DLC1: variants seen among roughly 807,000 people sequenced by gnomAD.
The protein encoded by DLC1 is DLC1 Rho GTPase activating protein, also known as rho GTPase-activating protein 7.
A neutral mutation model predicts 140.3 loss-of-function variants in DLC1; 54 were observed. That is an observed-to-expected ratio of 0.38 (90% confidence interval 0.31 to 0.48). The LOEUF (loss-of-function observed/expected upper bound fraction) is 0.48, where lower values mean the gene tolerates loss of function less well. Among genes scored for constraint, DLC1 ranks in the 20% least tolerant of loss-of-function variants. The pLI is 0.96. For synonymous variants in DLC1, 986 were observed against 728.1 expected (o/e 1.35, Z -5.70); for missense variants, 2,536 against 1,907.0 (o/e 1.33, Z -6.14).
chr8:13,269,445 G>A (rs964628972), intron 5 of DLC1, among the ~76,000 whole-genome samples: 2 of 152,154 alleles, frequency 1.3e-5, no homozygotes, highest in African/African-American at 4.8e-5. Flanking sequence ...TTCTTCAAGA[G>A]TGACAAGCTG....
At chr8:13,297,902 G>T (rs1027419246) in intron 5 of DLC1, among the ~76,000 whole-genome samples, 6 of 151,830 alleles carry the variant, frequency 4.0e-5, no homozygotes, top group African/African-American at 1.5e-4. Context: ...TTATTCATTT[G>T]CATTTCCTTT....
chr8:13,323,960 A>T (rs1361815112), intron 4 of DLC1, among the ~76,000 whole-genome samples: 2 of 152,208 alleles, frequency 1.3e-5, no homozygotes, highest in Non-Finnish European at 2.9e-5. Flanking sequence ...ATTACGTGAG[A>T]CAGTTAATGT....
intron 5 of DLC1, among the ~76,000 whole-genome samples, chr8:13,138,081 T>G (rs1822702451): frequency 6.6e-6 from 1 of 152,222 alleles, no homozygotes; most frequent in African/African-American, 2.4e-5. Flanking sequence ...TTGATATTAG[T>G]TATTATTGAT....
intron 5 of DLC1, among the ~76,000 whole-genome samples, chr8:13,164,954 G>T (rs142130978): frequency 6.6e-6 from 1 of 152,160 alleles, no homozygotes; most frequent in Non-Finnish European, 1.5e-5. Flanking sequence ...TTGTGTGTGG[G>T]AGTTGAAGTA....
intron 1 of DLC1, among the ~76,000 whole-genome samples, chr8:13,553,438 T>C (rs1410001812): frequency 1.3e-5 from 2 of 151,646 alleles, no homozygotes; most frequent in East Asian, 1.9e-4. Context: ...TGTTTTTTTC[T>C]TATATTAACA....
chr8:13,173,497 G>A (rs776936934), intron 5 of DLC1, among the ~76,000 whole-genome samples: 28 of 148,380 alleles, frequency 1.9e-4, no homozygotes, highest in Non-Finnish European at 8.9e-5. Context: ...TCAGCCTCCC[G>A]AGTAGCTGGG....
intron 5 of DLC1, among the ~76,000 whole-genome samples, chr8:13,195,296 G>T (rs984000447): frequency 3.9e-5 from 6 of 152,144 alleles, no homozygotes; most frequent in African/African-American, 1.4e-4. Flanking sequence ...TATTTTGTCA[G>T]CAATTGGAGA....
chr8:13,403,933 A>G (rs1218593040), intron 2 of DLC1, among the ~76,000 whole-genome samples: 1 of 149,288 alleles, frequency 6.7e-6, no homozygotes, highest in Non-Finnish European at 1.5e-5. Context: ...TGCTGGGATT[A>G]CAGGTTTCTT....
chr8:13,110,813 G>T lies in DLC1; in HGVS notation c.1431C>A (p.Phe477Leu). The T allele has an allele frequency of 1.2e-6, 2 of 1,614,016 alleles. No individual in the cohort carries two copies. The highest frequency in any genetic ancestry group is 1.7e-6 in the Non-Finnish European group (2 of 1,179,988). ...TCTTGACCAAGGAAATATCGATGGGGAACAGGAAATCTATGAGAAAAATAA... is the reference window on the plus strand; with the variant it reads ...TCTTGACCAAGGAAATATCGATGGGTAACAGGAAATCTATGAGAAAAATAA... Reference protein sequence around the residue: ...QYAQLYEDFLFPIDISLVKRE... With the variant: ...QYAQLYEDFLLPIDISLVKRE... Residue 477 changes from phenylalanine to leucine, a missense_variant, in exon 7 of 18, where the codon TTC becomes TTA. Phe to Leu is a conservative substitution (Grantham distance 22). Transcript: ENST00000276297.
intron 5 of DLC1, among the ~76,000 whole-genome samples, chr8:13,123,414 C>G (rs750616834): frequency 6.6e-6 from 1 of 151,948 alleles, no homozygotes; most frequent in Non-Finnish European, 1.5e-5. Context: ...AATCTTGGCT[C>G]ACTGCAACCT....
At chr8:13,570,294 C>T (rs67552689) in intron 1 of DLC1, among the ~76,000 whole-genome samples, 1,348 of 121,856 alleles carry the variant, frequency 0.011, 12 homozygotes, top group Non-Finnish European at 0.016. Flanking sequence ...TAAATTCTCT[C>T]TTTTTTTTTT....
chr8:13,430,255 A>G (rs1838798850), intron 2 of DLC1, among the ~76,000 whole-genome samples: 1 of 152,210 alleles, frequency 6.6e-6, no homozygotes, highest in Non-Finnish European at 1.5e-5. Flanking sequence ...CTGATCCAAT[A>G]GGTTTATCTG....
rs1376662211 is a variant in DLC1 at position 13,099,760 on chromosome 8, G to T, written c.2577C>A (p.Ser859Arg). The T allele has an allele frequency of 6.2e-7, 1 of 1,614,156 alleles. No individual in the cohort carries two copies. The change falls in exon 9 of 18, where the codon AGC (serine) becomes AGA (arginine). Residue 859 changes from serine to arginine, a missense_variant. Coordinates refer to ENST00000276297, the MANE Select transcript of DLC1 (RefSeq NM_182643.3). ...ISLRRENSSD[S>R]PKELKRRNSS... is the part of the protein sequence containing the mutation. ...AATTGCGTCTCTTCAGTTCCTTGGG[G>T]CTGTCGCTACTGTTTTCCCTCCTGA... is the stretch of plus-strand genomic sequence containing the variant.
Position 13,086,401 on chromosome 8 carries a change from T to C in DLC1, c.4355A>G (p.Asp1452Gly), listed in dbSNP as rs1331900931. ...CALLLTSVDH[D>G]RAPVVGVRVN... ...CCTCACACCCACCACAGGTGCGCGA[T>C]CGTGATCCACAGAGGTTAGTAAAAG... Residue 1452 changes from aspartate to glycine, a missense_variant, in exon 17 of 18, where the codon GAT (aspartate) becomes GGT (glycine). Physicochemically the swap from Asp to Gly is moderately conservative, Grantham distance 94. Transcript: ENST00000276297. 1.2e-6 allele frequency: 2 copies of C among 1,614,224 alleles called. No homozygotes were observed. The highest frequency in any genetic ancestry group is 1.7e-6 in the Non-Finnish European group (2 of 1,180,044).
chr8:13,546,632 C>A (rs1035693352), intron 1 of DLC1, among the ~76,000 whole-genome samples: 1 of 152,072 alleles, frequency 6.6e-6, no homozygotes, highest in Non-Finnish European at 1.5e-5. Context: ...AAACCAGGGC[C>A]CTCTGCTCTC....
chr8:13,308,272 C>T (rs1832537923), intron 4 of DLC1, among the ~76,000 whole-genome samples: 1 of 152,184 alleles, frequency 6.6e-6, no homozygotes, highest in South Asian at 2.1e-4. Flanking sequence ...CCACACTCTG[C>T]ATGACTTTTA....
chr8:13,566,854 G>C, intron 1 of DLC1: 1 of 1,160,670 alleles, frequency 8.6e-7, no homozygotes. Context: ...AGACAGCTGG[G>C]AAGGCGTCTC....
intron 1 of DLC1, among the ~76,000 whole-genome samples, chr8:13,537,534 A>C (rs1056450140): frequency 6.6e-6 from 1 of 152,174 alleles, no homozygotes; most frequent in East Asian, 1.9e-4. Flanking sequence ...GACATGGGCT[A>C]CGAGACAGAC....
intron 4 of DLC1, among the ~76,000 whole-genome samples, chr8:13,332,294 C>G (rs550497211): frequency 2.6e-5 from 4 of 152,258 alleles, no homozygotes; most frequent in African/African-American, 9.6e-5. Context: ...GCCTCCAGCT[C>G]CAAATTATCT....
Sources: allele counts gnomAD v4.1 joint callset (sites outside exome capture counted in the v4.1 genomes callset), GRCh38; gene constraint gnomAD v4.1.1; transcripts MANE v1.5; gene names NCBI Gene and HGNC (gene_info 2026-07-23, HGNC 2026-07-21).